BMPR1A: variants seen among roughly 807,000 people sequenced by gnomAD.
BMPR1A encodes bone morphogenetic protein receptor type 1A.
In BMPR1A, 7 loss-of-function variants were observed where a neutral mutation model predicts 66.0. The observed-to-expected ratio is 0.11, with a 90% CI of 0.06 to 0.20. The LOEUF is 0.20. Among genes scored for constraint, BMPR1A ranks in the 10% least tolerant of loss-of-function variants. The probability of loss-of-function intolerance (pLI) is 1.00; values close to 1 mark genes in which losing one functional copy is unlikely to be tolerated. For missense variants in BMPR1A, 408 were observed against 669.1 expected, an observed-to-expected ratio of 0.61 and a Z score of 4.31; for synonymous variants, 200 against 229.7, an observed-to-expected ratio of 0.87 and a Z score of 1.17.
chr10:86,801,655 C>T (rs1184441757), intron 1 of BMPR1A, among the ~76,000 whole-genome samples: 1 of 152,144 alleles, frequency 6.6e-6, no homozygotes, highest in African/African-American at 2.4e-5. Context: ...CCAGATGCTT[C>T]AGGGATGGTC....
At position 86,782,536 on chromosome 10, in the gene BMPR1A, A is replaced by G. The variant is rs1197147983; in HGVS notation, c.-268+25617A>G. Among the ~76,000 whole-genome samples the G allele has an allele frequency of 2.0e-5, 3 of 151,626 alleles. 1 individual carries two copies. The highest frequency in any genetic ancestry group is 4.4e-5 in the Non-Finnish European group (3 of 67,906). On this transcript the variant is annotated intron_variant, in intron 1 of 12. Transcript: ENST00000372037. ...TTTTTTGTTTTTTTTTGATAGAGGT[A>G]ATTTTAACTGGTGTGAGGTGATACC...
chr10:86,843,648 C>T (rs1424343489), intron 2 of BMPR1A: 1 of 152,116 alleles, frequency 6.6e-6, no homozygotes, highest in Admixed American at 6.6e-5. Context: ...GTTATGTGAG[C>T]TGAGCTTTGA....
chr10:86,827,330 A>T (rs539233507), intron 1 of BMPR1A, among the ~76,000 whole-genome samples: 1 of 151,746 alleles, frequency 6.6e-6, no homozygotes, highest in Admixed American at 6.6e-5. Flanking sequence ...TTGAGATGTC[A>T]TTTATGTTGA....
intron 10 of BMPR1A, among the ~76,000 whole-genome samples, chr10:86,921,200 C>CTTATT (rs960168875): frequency 6.6e-6 from 1 of 152,070 alleles, no homozygotes; most frequent in Non-Finnish European, 1.5e-5. Context: ...AGACACCAGA[C>CTTATT]TTATTTAGTG....
intron 2 of BMPR1A, among the ~76,000 whole-genome samples, chr10:86,872,140 TTCTCCA>T (rs1842862047): frequency 6.6e-6 from 1 of 152,230 alleles, no homozygotes; most frequent in Non-Finnish European, 1.5e-5. Flanking sequence ...TTGATGGCTG[TTCTCCA>T]TACAAGTTAT....
chr10:86,917,423 C>T (rs768047202), intron 9 of BMPR1A, 97 bp downstream of exon 9: 9 of 1,423,760 alleles, frequency 6.3e-6, no homozygotes, highest in Non-Finnish European at 7.8e-6. Context: ...GTGAGTTCAA[C>T]TATATACATT....
chr10:86,802,310 A>G (rs1306230473), intron 1 of BMPR1A, among the ~76,000 whole-genome samples: 1 of 152,176 alleles, frequency 6.6e-6, no homozygotes, highest in African/African-American at 2.4e-5. Flanking sequence ...GTGTACAGTG[A>G]GTATCATAAT....
At chr10:86,778,148 T>C (rs946007849) in intron 1 of BMPR1A, among the ~76,000 whole-genome samples, 1 of 152,174 alleles carries the variant, frequency 6.6e-6, no homozygotes, top group East Asian at 1.9e-4. Flanking sequence ...TCATGGCTCA[T>C]GGGCTACATG....
chr10:86,915,301 G>A (rs1434338524), intron 8 of BMPR1A, among the ~76,000 whole-genome samples: 2 of 152,106 alleles, frequency 1.3e-5, no homozygotes, highest in Non-Finnish European at 2.9e-5. Context: ...AAAGTGTTGG[G>A]ATTACAGGCG....
chr10:86,911,803 G>A (rs1301065023), intron 7 of BMPR1A, among the ~76,000 whole-genome samples: 1 of 151,858 alleles, frequency 6.6e-6, no homozygotes, highest in East Asian at 1.9e-4. Flanking sequence ...AAAAAAAAAA[G>A]CTGAACTGTG....
At chr10:86,874,712 T>C (rs374524053) in intron 2 of BMPR1A, among the ~76,000 whole-genome samples, 3,888 of 94,680 alleles carry the variant, frequency 0.041, 100 homozygotes, top group African/African-American at 0.097. Flanking sequence ...CGACCTTCTT[T>C]TTTTTTTTTT....
intron 1 of BMPR1A, among the ~76,000 whole-genome samples, chr10:86,797,247 T>TTTTTTTTTTTTGG (rs1372738374): frequency 8.0e-6 from 1 of 124,928 alleles, no homozygotes; most frequent in South Asian, 2.8e-4. Context: ...TTTTTTTTTT[T>TTTTTTTTTTTTGG]TGAGACGGAG....
chr10:86,861,199 C>T (rs1444817299), intron 2 of BMPR1A, among the ~76,000 whole-genome samples: 1 of 152,090 alleles, frequency 6.6e-6, no homozygotes, highest in Non-Finnish European at 1.5e-5. Flanking sequence ...TGTTGTAACG[C>T]AGAATAAAGA....
Position 86,878,859 on chromosome 10 carries a change from C to CA in BMPR1A, c.67+2775dup, listed in dbSNP as rs556037381. Among the ~76,000 whole-genome samples the CA allele has an allele frequency of 6.6e-5, 10 of 152,142 alleles. No homozygotes were observed. The East Asian group carries it at 1.4e-3, about 21-fold the overall frequency. On this transcript the variant is annotated intron_variant, in intron 3 of 12. Coordinates refer to ENST00000372037, the MANE Select transcript of BMPR1A (RefSeq NM_004329.3). ...GGTGTGTTGTTCCCCCAAACAAAATCAGAGTTTGGTTAGCTGGGAAAAGGG... is the reference window on the plus strand; with the variant it reads ...GGTGTGTTGTTCCCCCAAACAAAATCAAGAGTTTGGTTAGCTGGGAAAAGGG...
At chr10:86,909,136 CAAAT>C (rs1373562216) in intron 7 of BMPR1A, among the ~76,000 whole-genome samples, 1 of 152,112 alleles carries the variant, frequency 6.6e-6, no homozygotes, top group Non-Finnish European at 1.5e-5. Flanking sequence ...TTGAGCTAAA[CAAAT>C]AATATAACTG....
At chr10:86,804,792 G>GTTTTTTTTTTTTTTTTTTTTTTTTCTTT (rs5786747) in intron 1 of BMPR1A, among the ~76,000 whole-genome samples, 2 of 57,270 alleles carry the variant, frequency 3.5e-5, no homozygotes, top group Non-Finnish European at 6.3e-5. Context: ...GTTTGTAGGT[G>GTTTTTTTTTTTTTTTTTTTTTTTTCTTT]TTTTTTTTTT....
chr10:86,783,298 G>C (rs1274829178), intron 1 of BMPR1A, among the ~76,000 whole-genome samples: 6 of 152,140 alleles, frequency 3.9e-5, no homozygotes, highest in African/African-American at 1.2e-4. Context: ...CTACAGTTTT[G>C]TTCTTAATCA....
chr10:86,890,134 G>A lies in BMPR1A; in HGVS notation c.140G>A (p.Gly47Glu), dbSNP rs368595543. The A allele has an allele frequency of 6.8e-6, 11 of 1,613,952 alleles. No homozygotes were observed. The Admixed American group carries it at 1.8e-4, about 27-fold the overall frequency. ...SDSDQKKSEN[G>E]VTLAPEDTLP... ...TCCGACCAGAAAAAGTCAGAAAATG[G>A]AGTAACCTTAGCACCAGAGGATACC... is the stretch of plus-strand genomic sequence containing the variant. Residue 47 changes from glycine (G) to glutamate (E), a missense_variant, in exon 4 of 13, where the codon GGA (glycine) becomes GAA (glutamate). Physicochemically the swap from Gly to Glu is moderately conservative, Grantham distance 98. Around this residue, in one of 5 missense-constraint regions of BMPR1A, gnomAD observed 68 missense variants for 83.0 expected, o/e 0.82. Coordinates refer to ENST00000372037, the MANE Select transcript of BMPR1A (RefSeq NM_004329.3).
intron 1 of BMPR1A, among the ~76,000 whole-genome samples, chr10:86,797,072 T>C (rs1286730129): frequency 6.9e-6 from 1 of 144,650 alleles, no homozygotes. Flanking sequence ...TCTTTTCTTT[T>C]TTTTTTTTTT....
Sources: allele counts gnomAD v4.1 joint callset (sites outside exome capture counted in the v4.1 genomes callset), GRCh38; gene constraint gnomAD v4.1.1; regional missense constraint gnomAD v4.1.1; transcripts MANE v1.5; gene names NCBI Gene and HGNC (gene_info 2026-07-23, HGNC 2026-07-21).